Variants in NME7 observed in about 807,000 individuals in gnomAD.
NME7 encodes NME/NM23 family member 7, also known as nucleoside diphosphate kinase 7.
A neutral mutation model predicts 49.1 loss-of-function variants in NME7; 41 were observed. The observed-to-expected ratio is 0.83, with a 90% CI of 0.65 to 1.08. NME7 has a LOEUF of 1.08. NME7 is among the 50% of genes least tolerant of loss of function. The pLI is 0.00. For missense variants in NME7, 423 were observed against 463.4 expected, an observed-to-expected ratio of 0.91 and a Z score of 0.80; for synonymous variants, 139 against 150.6, an observed-to-expected ratio of 0.92 and a Z score of 0.56.
intron 1 of NME7, among the ~76,000 whole-genome samples, chr1:169,357,403 A>G (rs865801460): frequency 1.3e-5 from 2 of 152,048 alleles, no homozygotes; most frequent in Non-Finnish European, 2.9e-5. Flanking sequence ...TATTATGTCA[A>G]GTTTGATTCT....
chr1:169,301,399 T>A (rs1829287), intron 5 of NME7, among the ~76,000 whole-genome samples: 1 of 151,872 alleles, frequency 6.6e-6, no homozygotes. Flanking sequence ...GTCAGAATGG[T>A]TATTATTAAA....
chr1:169,225,511 A>G (rs1034256176), intron 10 of NME7, among the ~76,000 whole-genome samples: 1 of 152,218 alleles, frequency 6.6e-6, no homozygotes, highest in Admixed American at 6.5e-5. Context: ...TGTTTCATGG[A>G]GGACTTTGAA....
At chr1:169,177,454 C>A (rs1023422653) in intron 10 of NME7, among the ~76,000 whole-genome samples, 1 of 152,106 alleles carries the variant, frequency 6.6e-6, no homozygotes, top group Non-Finnish European at 1.5e-5. Context: ...ATACCACTTT[C>A]CTGCCGAAGA....
intron 7 of NME7, among the ~76,000 whole-genome samples, chr1:169,282,949 A>G (rs1329509924): frequency 6.6e-6 from 1 of 152,102 alleles, no homozygotes; most frequent in Non-Finnish European, 1.5e-5. Context: ...AGTTCTGTGG[A>G]GGTCTATTAG....
At position 169,169,403 on chromosome 1, in the gene NME7, A is replaced by G. The variant is rs1370564958; in HGVS notation, c.1098+44T>C. The stretch of plus-strand genomic sequence containing the variant: ...CACATCAGAACTCCTGAGATAATTT[A>G]TGAGCTTGAAATATAAATAGGATGT... On this transcript the variant is annotated intron_variant, in intron 11 of 11. Coordinates refer to ENST00000367811, the MANE Select transcript of NME7 (RefSeq NM_013330.5). 5 of 1,526,808 alleles carry G rather than the reference A, an allele frequency of 3.3e-6. 1 individual carries two copies. The Admixed American group carries it at 7.1e-5, about 22-fold the overall frequency. The allele number at this position is 1,526,808 out of a possible 1,614,324, so 94.6% of individuals were successfully genotyped here.
At chr1:169,209,943 T>C (rs980845817) in intron 10 of NME7, among the ~76,000 whole-genome samples, 2 of 152,174 alleles carry the variant, frequency 1.3e-5, no homozygotes. Flanking sequence ...GTTATTAATA[T>C]AATTTCTTGC....
chr1:169,219,429 C>T (rs1457624830), intron 10 of NME7, among the ~76,000 whole-genome samples: 2 of 152,096 alleles, frequency 1.3e-5, no homozygotes, highest in Admixed American at 1.3e-4. Context: ...AATACTATAC[C>T]ATTTTATATA....
chr1:169,250,424 C>A (rs142795746), intron 7 of NME7, among the ~76,000 whole-genome samples: 232 of 152,044 alleles, frequency 1.5e-3, no homozygotes, highest in African/African-American at 5.0e-3. Flanking sequence ...CTTTTAGTGT[C>A]ATTGATCTTT....
intron 4 of NME7, among the ~76,000 whole-genome samples, chr1:169,306,632 G>A (rs1302130089): frequency 6.6e-6 from 1 of 152,184 alleles, no homozygotes. Context: ...GAGAAGTCAA[G>A]GCTGAAGATG....
chr1:169,177,637 C>T (rs1317666055), intron 10 of NME7, among the ~76,000 whole-genome samples: 1 of 151,934 alleles, frequency 6.6e-6, no homozygotes, highest in Non-Finnish European at 1.5e-5. Context: ...AAAAACTTCT[C>T]AACATAACCT....
intron 3 of NME7, among the ~76,000 whole-genome samples, chr1:169,310,312 A>G (rs753451281): frequency 5.9e-5 from 9 of 152,126 alleles, no homozygotes; most frequent in Non-Finnish European, 1.2e-4. Context: ...GAAGCTTAGG[A>G]AAAAAAGCAC....
rs1406900333 is a variant in NME7, at chr1:169,264,227, G to C, written c.754+23076C>G. On this transcript the variant is annotated intron_variant, in intron 7 of 11. Coordinates refer to ENST00000367811, the MANE Select transcript of NME7 (RefSeq NM_013330.5). ...ATTACCAGCTAAGAACATAATGACA[G>C]GATCAAATTCACACATATCAATACT... is the stretch of plus-strand genomic sequence containing the variant. Among the ~76,000 whole-genome samples the C allele has an allele frequency of 3.0e-5, 4 of 133,706 alleles. 1 individual carries two copies. Among genetic ancestry groups the C allele is most frequent in the Admixed American group, 2.9e-4 (4 of 13,660 alleles). 87.7% of individuals were successfully genotyped at this position (133,706 alleles called of 152,430 possible).
intron 3 of NME7, among the ~76,000 whole-genome samples, chr1:169,316,886 C>T (rs140022139): frequency 6.6e-6 from 1 of 151,240 alleles, no homozygotes; most frequent in Admixed American, 6.6e-5. Flanking sequence ...GTTTAAGTGA[C>T]TAACTTGGTA....
intron 10 of NME7, among the ~76,000 whole-genome samples, chr1:169,216,475 T>G (rs1391619793): frequency 1.3e-5 from 2 of 152,230 alleles, no homozygotes; most frequent in Non-Finnish European, 2.9e-5. Flanking sequence ...GCATGGAAAC[T>G]CCACACCCCT....
chr1:169,363,719 G>A (rs545541768), intron 1 of NME7, among the ~76,000 whole-genome samples: 40 of 152,252 alleles, frequency 2.6e-4, no homozygotes, highest in African/African-American at 9.4e-4. Context: ...ATTTGATCTT[G>A]TTGTTAGCGT....
chr1:169,367,601 G>T, intron 1 of NME7, 107 bp downstream of exon 1: 1 of 1,235,434 alleles, frequency 8.1e-7, no homozygotes, highest in African/African-American at 1.5e-5. Context: ...ATAACGGGGA[G>T]AAGGTCGGGA....
rs148388576 is a variant in NME7 at position 169,237,152 on chromosome 1, T to C, written c.819+471A>G. ...TGCCAACAGAGTTGCTAGAATACAC[T>C]AACTCCAAAGACAGTCTTGAGAGAA... On this transcript the variant is annotated intron_variant, in intron 8 of 11. Coordinates refer to ENST00000367811, the MANE Select transcript of NME7 (RefSeq NM_013330.5). Among the ~76,000 whole-genome samples the C allele has an allele frequency of 3.3e-3, 500 of 152,066 alleles. 4 individuals carry two copies. Among genetic ancestry groups the C allele is most frequent in the Middle Eastern group, 0.024 (7 of 294 alleles).
chr1:169,133,617 C>CA (rs951140634), intron 11 of NME7, among the ~76,000 whole-genome samples: 2 of 152,160 alleles, frequency 1.3e-5, no homozygotes, highest in Admixed American at 6.5e-5. Flanking sequence ...CTCCACTTAA[C>CA]AAAAAAATAG....
At chr1:169,296,239 T>G (rs1650701657) in intron 6 of NME7, among the ~76,000 whole-genome samples, 1 of 152,178 alleles carries the variant, frequency 6.6e-6, no homozygotes, top group Non-Finnish European at 1.5e-5. Flanking sequence ...GGGTTTTGCC[T>G]CCACCTCCCC....
Sources: gnomAD v4.1 joint callset for allele counts (sites outside exome capture counted in the v4.1 genomes callset) on GRCh38, gnomAD v4.1.1 for gene constraint, MANE v1.5 for transcripts, NCBI Gene and HGNC (gene_info 2026-07-23, HGNC 2026-07-21) for gene names.